Variants in CEP112 observed in about 807,000 individuals in gnomAD.
The protein encoded by CEP112 is centrosomal protein 112, also known as centrosomal protein of 112 kDa.
In CEP112, 127 loss-of-function variants were observed where a neutral mutation model predicts 153.0. That is an observed-to-expected ratio of 0.83 (90% CI 0.72 to 0.96). The LOEUF (loss-of-function observed/expected upper bound fraction) is 0.96. Among genes scored for constraint, CEP112 ranks in the 40% least tolerant of loss-of-function variants. The probability of loss-of-function intolerance (pLI) is 0.00; values close to 1 mark genes in which losing one functional copy is unlikely to be tolerated. For synonymous variants in CEP112, 358 were observed against 374.4 expected (o/e 0.96, Z 0.51); for missense variants, 1,089 against 1,101.2 (o/e 0.99, Z 0.16).
At chr17:65,700,121 CTCT>C (rs1444380540) in intron 23 of CEP112, among the ~76,000 whole-genome samples, 3 of 151,842 alleles carry the variant, frequency 2.0e-5, no homozygotes, top group Non-Finnish European at 2.9e-5. Context: ...CCTCCTCCTC[CTCT>C]TCTCTCTCAC....
intron 20 of CEP112, among the ~76,000 whole-genome samples, chr17:65,898,265 C>A (rs1048389785): frequency 6.6e-6 from 1 of 151,864 alleles, no homozygotes; most frequent in Admixed American, 6.6e-5. Flanking sequence ...TTAAATTTAC[C>A]CTTCGAGTAA....
intron 20 of CEP112, among the ~76,000 whole-genome samples, chr17:65,888,878 A>G (rs150686492): frequency 6.6e-6 from 1 of 152,248 alleles, no homozygotes; most frequent in Non-Finnish European, 1.5e-5. Flanking sequence ...GATCCAAGAT[A>G]TGTTCTCCCG....
chr17:65,659,936 G>GA (rs1307788056), intron 24 of CEP112, among the ~76,000 whole-genome samples: 4 of 152,152 alleles, frequency 2.6e-5, no homozygotes, highest in Non-Finnish European at 4.4e-5. Context: ...ATGAGAGGAA[G>GA]AAAAAACTGC....
At position 66,079,785 on chromosome 17, in the gene CEP112, G is replaced by A. The variant is rs192524856; in HGVS notation, c.769-9784C>T. Among the ~76,000 whole-genome samples, 48 of 152,104 alleles carry A rather than the reference G, an allele frequency of 3.2e-4. No homozygotes were observed. In the East Asian group the frequency reaches 7.2e-3, roughly 23 times the overall value. On this transcript the variant is annotated intron_variant, in intron 8 of 26. Coordinates refer to ENST00000535342, the MANE Select transcript of CEP112 (RefSeq NM_001199165.4). ...TGCTACAAGGCTACATAACCAGAAC[G>A]GCATGTTCCTGGTACCAAAACAGGT... is the stretch of plus-strand genomic sequence containing the variant.
intron 6 of CEP112, among the ~76,000 whole-genome samples, chr17:66,115,674 C>G (rs1376830959): frequency 1.3e-5 from 2 of 152,166 alleles, no homozygotes; most frequent in Non-Finnish European, 2.9e-5. Flanking sequence ...TTATTTCTCC[C>G]TAGTTCCTGT....
At chr17:66,173,082 T>C (rs2072313983) in intron 4 of CEP112, among the ~76,000 whole-genome samples, 1 of 152,142 alleles carries the variant, frequency 6.6e-6, no homozygotes, top group South Asian at 2.1e-4. Flanking sequence ...AATCACATGA[T>C]CCCTCTTTTC....
intron 22 of CEP112, among the ~76,000 whole-genome samples, chr17:65,746,063 G>C (rs1249010863): frequency 6.7e-6 from 1 of 150,224 alleles, no homozygotes; most frequent in East Asian, 2.0e-4. Context: ...TACTAGGGAG[G>C]CTGAGGCTGG....
At chr17:65,677,898 A>G (rs1161675881) in intron 24 of CEP112, among the ~76,000 whole-genome samples, 3 of 152,114 alleles carry the variant, frequency 2.0e-5, no homozygotes, top group Non-Finnish European at 4.4e-5. Context: ...GGGAGACAGA[A>G]CAAGACCTTT....
In CEP112 at chr17:66,028,355, C is replaced by T. The variant is rs1481609331; in HGVS notation, c.1554G>A (p.Gln518=). 1 of 1,600,230 alleles carries T rather than the reference C, an allele frequency of 6.2e-7. No homozygotes were observed. The highest frequency in any genetic ancestry group is 1.1e-5 in the South Asian group (1 of 89,566). ...ELEQNVCQLK[Q]QLQESELQRK... ...TTTGAAGTTCTGATTCCTGTAACTG[C>T]TGTTTTAATTGACAGACATTCTGCT... Residue 518 remains glutamine, a synonymous_variant, in exon 15 of 27, where the codon CAG becomes CAA. Coordinates refer to ENST00000535342, the MANE Select transcript of CEP112 (RefSeq NM_001199165.4).
intron 23 of CEP112, among the ~76,000 whole-genome samples, chr17:65,741,341 GT>G (rs71792806): frequency 0.12 from 18,828 of 151,712 alleles, 2,153 homozygotes; most frequent in African/African-American, 0.3. Context: ...TTTAATATAG[GT>G]TAGTAAAAAA....
intron 21 of CEP112, among the ~76,000 whole-genome samples, chr17:65,796,566 C>T (rs993355084): frequency 1.3e-5 from 2 of 152,046 alleles, no homozygotes; most frequent in African/African-American, 4.8e-5. Flanking sequence ...GGGAAGATCC[C>T]TTGAGCTGAG....
At chr17:65,928,168 T>C (rs2060997773) in intron 18 of CEP112, among the ~76,000 whole-genome samples, 1 of 152,168 alleles carries the variant, frequency 6.6e-6, no homozygotes, top group Admixed American at 6.5e-5. Context: ...CAAAAAGCAT[T>C]TGAAAAGATG....
At chr17:65,839,870 C>T (rs1231442294) in intron 21 of CEP112, among the ~76,000 whole-genome samples, 1 of 151,764 alleles carries the variant, frequency 6.6e-6, no homozygotes, top group East Asian at 1.9e-4. Flanking sequence ...CAATTCTATA[C>T]ACCAACAGTG....
chr17:66,059,732 C>T (rs746531518), intron 11 of CEP112, among the ~76,000 whole-genome samples: 1 of 152,112 alleles, frequency 6.6e-6, no homozygotes, highest in South Asian at 2.1e-4. Context: ...CTGTGGAATG[C>T]AGTTTGGAGA....
At chr17:65,865,136 G>A (rs981237212) in intron 20 of CEP112, among the ~76,000 whole-genome samples, 1 of 151,892 alleles carries the variant, frequency 6.6e-6, no homozygotes, top group Non-Finnish European at 1.5e-5. Flanking sequence ...CACCTTCCCA[G>A]GCTCAAGCGA....
intron 16 of CEP112, among the ~76,000 whole-genome samples, chr17:66,012,815 G>C (rs1434994195): frequency 6.6e-6 from 1 of 152,180 alleles, no homozygotes. Flanking sequence ...TAACCCAAAG[G>C]ATATTTTCCA....
chr17:65,978,775 G>A (rs939815489), intron 17 of CEP112, among the ~76,000 whole-genome samples: 1 of 152,210 alleles, frequency 6.6e-6, no homozygotes, highest in East Asian at 1.9e-4. Flanking sequence ...TCCAAGAAAT[G>A]TAAAAATATG....
chr17:65,812,293 G>A (rs529041469), intron 21 of CEP112, among the ~76,000 whole-genome samples: 572 of 152,268 alleles, frequency 3.8e-3, no homozygotes, highest in Non-Finnish European at 6.4e-3. Flanking sequence ...GTAAGCCACC[G>A]CACCCGGCCT....
intron 20 of CEP112, among the ~76,000 whole-genome samples, chr17:65,895,316 G>A (rs1240016572): frequency 6.6e-6 from 1 of 150,548 alleles, no homozygotes; most frequent in Non-Finnish European, 1.5e-5. Context: ...TTGGCACATG[G>A]AAAGCACACC....
Sources: gnomAD v4.1 joint callset for allele counts (sites outside exome capture counted in the v4.1 genomes callset) on GRCh38, gnomAD v4.1.1 for gene constraint, MANE v1.5 for transcripts, NCBI Gene and HGNC (gene_info 2026-07-23, HGNC 2026-07-21) for gene names.